MTHFS: variants seen among roughly 807,000 people sequenced by gnomAD.
MTHFS encodes methenyltetrahydrofolate synthetase.
Under a neutral mutation model 12.7 loss-of-function variants are expected in MTHFS, and 7 were observed. The observed-to-expected ratio is 0.55, with a 90% CI of 0.31 to 1.03. MTHFS has a LOEUF of 1.03. Ranked by LOEUF, MTHFS falls within the 50% of genes least tolerant of loss-of-function variation. The probability of loss-of-function intolerance (pLI) is 0.05; values close to 1 mark genes in which losing one functional copy is unlikely to be tolerated. For synonymous variants in MTHFS, 100 were observed against 97.1 expected (o/e 1.03, Z -0.18); for missense variants, 252 against 258.1 (o/e 0.98, Z 0.16).
At chr15:79,873,899 A>G (rs918941857) in intron 2 of MTHFS, among the ~76,000 whole-genome samples, 1 of 152,202 alleles carries the variant, frequency 6.6e-6, no homozygotes, top group Non-Finnish European at 1.5e-5. Context: ...GCTATACTAA[A>G]ATAAGAGGTC....
intron 1 of MTHFS, among the ~76,000 whole-genome samples, chr15:79,893,728 A>T (rs2034516712): frequency 6.6e-6 from 1 of 151,864 alleles, no homozygotes; most frequent in Non-Finnish European, 1.5e-5. Context: ...AAAGAAAAAG[A>T]AAAATTACAA....
chr15:79,894,635 G>A (rs531390829), intron 1 of MTHFS, among the ~76,000 whole-genome samples: 81 of 152,204 alleles, frequency 5.3e-4, no homozygotes, highest in African/African-American at 1.3e-3. Context: ...GAAAGACAAC[G>A]TAGAAGATTA....
chr15:79,896,665 C>T, intron 1 of MTHFS: 1 of 889,784 alleles, frequency 1.1e-6, no homozygotes, highest in Non-Finnish European at 1.6e-6. Flanking sequence ...CTTTCACTAC[C>T]GGGCCCTCTC....
At chr15:79,874,948 T>C (rs11638452) in intron 2 of MTHFS, among the ~76,000 whole-genome samples, 21,531 of 152,092 alleles carry the variant, frequency 0.14, 1,776 homozygotes, top group Non-Finnish European at 0.19. Context: ...ACACATGCTT[T>C]ACGAACAATT....
chr15:79,854,363 T>G (rs902789111), intron 2 of MTHFS, among the ~76,000 whole-genome samples: 6 of 152,242 alleles, frequency 3.9e-5, no homozygotes, highest in African/African-American at 1.4e-4. Flanking sequence ...AGAACCCGCA[T>G]AGCTGCGATG....
chr15:79,845,256 T>G lies in MTHFS; in HGVS notation c.566A>C (p.Asp189Ala). 6.2e-7 allele frequency: 1 copy of G among 1,614,220 alleles called. No individual in the cohort carries two copies. Among genetic ancestry groups the G allele is most frequent in the Non-Finnish European group, 8.5e-7 (1 of 1,180,048 alleles). ...ICLQVPVNEN[D>A]MKVDEVLYED... The stretch of plus-strand genomic sequence containing the variant: ...GTAAAGGACTTCATCTACCTTCATG[T>G]CGTTTTCATTCACTGGGACCTGGAG... The change falls in exon 3 of 3, where the codon GAC becomes GCC. Residue 189 changes from aspartate (D) to alanine (A), a missense_variant. Asp to Ala is a moderately radical substitution (Grantham distance 126). Coordinates refer to ENST00000258874, the MANE Select transcript of MTHFS (RefSeq NM_006441.4).
At chr15:79,888,153 T>A (rs1413220108) in intron 2 of MTHFS, among the ~76,000 whole-genome samples, 1 of 152,168 alleles carries the variant, frequency 6.6e-6, no homozygotes, top group African/African-American at 2.4e-5. Context: ...TGTTTCATAA[T>A]GATAAAACTT....
chr15:79,872,102 TCAAAA>T (rs1793086094), intron 2 of MTHFS, among the ~76,000 whole-genome samples: 1 of 36,308 alleles, frequency 2.8e-5, no homozygotes, highest in South Asian at 9.7e-4. Context: ...AGACTCCGTC[TCAAAA>T]AAAAAAAAAA....
chr15:79,851,863 G>A (rs2033722457), intron 2 of MTHFS, among the ~76,000 whole-genome samples: 1 of 152,196 alleles, frequency 6.6e-6, no homozygotes, highest in South Asian at 2.1e-4. Context: ...CTTAGAGGTA[G>A]TACAGGAGAG....
intron 2 of MTHFS, among the ~76,000 whole-genome samples, chr15:79,869,010 G>C (rs1291736456): frequency 2.0e-5 from 3 of 151,844 alleles, no homozygotes; most frequent in Non-Finnish European, 4.4e-5. Context: ...GGTGAGTGTT[G>C]GTAGCTTATT....
At chr15:79,862,816 A>C (rs566237972) in intron 2 of MTHFS, among the ~76,000 whole-genome samples, 163 of 152,344 alleles carry the variant, frequency 1.1e-3, no homozygotes, top group African/African-American at 3.7e-3. Context: ...CTCATCTAGA[A>C]AGGCAAATTG....
chr15:79,856,273 T>C (rs549598507), intron 2 of MTHFS, among the ~76,000 whole-genome samples: 1 of 152,334 alleles, frequency 6.6e-6, no homozygotes, highest in Non-Finnish European at 1.5e-5. Flanking sequence ...GATGAAAAAA[T>C]TTCAGCATTT....
chr15:79,870,350 C>A (rs532829257), intron 2 of MTHFS, among the ~76,000 whole-genome samples: 4 of 152,286 alleles, frequency 2.6e-5, no homozygotes, highest in African/African-American at 9.6e-5. Flanking sequence ...GTGGCACAAT[C>A]GAGCTGCTGT....
chr15:79,878,334 C>T (rs1006283843), intron 2 of MTHFS, among the ~76,000 whole-genome samples: 17 of 151,786 alleles, frequency 1.1e-4, no homozygotes, highest in Non-Finnish European at 5.9e-5. Context: ...ACAAAGACAG[C>T]ACTTGACGCT....
chr15:79,885,041 T>C (rs1339264196), intron 2 of MTHFS, among the ~76,000 whole-genome samples: 2 of 152,250 alleles, frequency 1.3e-5, no homozygotes, highest in African/African-American at 2.4e-5. Context: ...CTCCATCAAA[T>C]ATGCCTTGAT....
chr15:79,866,107 T>C (rs2034006594), intron 2 of MTHFS, among the ~76,000 whole-genome samples: 1 of 151,842 alleles, frequency 6.6e-6, no homozygotes, highest in South Asian at 2.1e-4. Flanking sequence ...TTGGTCTCTG[T>C]GACAGCGATG....
Position 79,889,226 on chromosome 15 carries a change from C to T in MTHFS, c.246G>A (p.Arg82=), listed in dbSNP as rs1489989491. ...CCATGTGATTGCTCTGGAACCGGTA[C>T]CGAGGGATGAAGCAGATTTTGCCTC... ...FQRGKICFIP[R]YRFQSNHMDM... The change falls in exon 2 of 3, where the codon CGG becomes CGA. Residue 82 remains arginine (R), a synonymous_variant. Coordinates refer to ENST00000258874, the MANE Select transcript of MTHFS (RefSeq NM_006441.4). 6.2e-7 allele frequency: 1 copy of T among 1,614,152 alleles called. No homozygotes were observed. Among genetic ancestry groups the T allele is most frequent in the South Asian group, 1.1e-5 (1 of 91,080 alleles).
At chr15:79,872,103 CAAAAAAAAA>C (rs58835744) in intron 2 of MTHFS, among the ~76,000 whole-genome samples, 1 of 66,776 alleles carries the variant, frequency 1.5e-5, no homozygotes, top group Non-Finnish European at 2.9e-5. Flanking sequence ...GACTCCGTCT[CAAAAAAAAA>C]AAAAAAAAAA....
chr15:79,879,208 C>A (rs2034253093), intron 2 of MTHFS, among the ~76,000 whole-genome samples: 1 of 151,984 alleles, frequency 6.6e-6, no homozygotes, highest in Non-Finnish European at 1.5e-5. Context: ...CCAAATTTTT[C>A]ACTAAGGTAA....
Sources: allele counts gnomAD v4.1 joint callset (sites outside exome capture counted in the v4.1 genomes callset), GRCh38; gene constraint gnomAD v4.1.1; transcripts MANE v1.5; gene names NCBI Gene and HGNC (gene_info 2026-07-23, HGNC 2026-07-21).